ARID2: variants seen among roughly 807,000 people sequenced by gnomAD.
The protein encoded by ARID2 is AT-rich interaction domain 2.
ARID2 carries 32 observed loss-of-function variants against 184.6 expected under a neutral mutation model. That is an observed-to-expected ratio of 0.17 (90% CI 0.13 to 0.23). The LOEUF is 0.23. Ranked by LOEUF, ARID2 falls within the 10% of genes least tolerant of loss-of-function variation. The pLI, the probability that ARID2 is intolerant of heterozygous loss-of-function variation, is 1.00. For missense variants in ARID2, 1,696 were observed against 2,197.6 expected (o/e 0.77, Z 4.56); for synonymous variants, 836 against 772.6 (o/e 1.08, Z -1.36).
intron 3 of ARID2, among the ~76,000 whole-genome samples, chr12:45,771,723 A>G (rs1384325663): frequency 6.6e-6 from 1 of 151,874 alleles, no homozygotes; most frequent in Admixed American, 6.6e-5. Flanking sequence ...CTTTGGGACC[A>G]TATACATTAA....
chr12:45,799,596 C>G (rs7309921), intron 3 of ARID2, among the ~76,000 whole-genome samples: 15,429 of 151,976 alleles, frequency 0.1, 2,541 homozygotes, highest in African/African-American at 0.34. Flanking sequence ...GAGGAAAATA[C>G]AATAAACCTT....
At chr12:45,774,475 T>C (rs1009630247) in intron 3 of ARID2, among the ~76,000 whole-genome samples, 4 of 152,202 alleles carry the variant, frequency 2.6e-5, no homozygotes, top group African/African-American at 9.7e-5. Flanking sequence ...TCTTTGAGGT[T>C]GGTAGGTCAA....
intron 2 of ARID2, among the ~76,000 whole-genome samples, chr12:45,730,474 C>T (rs1301338151): frequency 6.6e-6 from 1 of 150,690 alleles, no homozygotes; most frequent in Admixed American, 6.6e-5. Flanking sequence ...CGCCCCGCTC[C>T]CGCGCCGCCC....
rs1941911679 is a variant in ARID2, at chr12:45,773,248, G to A, written c.285-38170G>A. On this transcript the variant is annotated intron_variant, in intron 3 of 20. Coordinates refer to ENST00000334344, the MANE Select transcript of ARID2 (RefSeq NM_152641.4). ...ATACTAAACTTATGGGTGCAGTTAA[G>A]GTAGTGCTTAGAGGAAAATCTGTAA... 2.6e-5 allele frequency among the ~76,000 whole-genome samples: 4 copies of A among 151,988 alleles called. No individual in the cohort carries two copies. The South Asian group carries it at 8.3e-4, about 31-fold the overall frequency.
chr12:45,762,829 G>T (rs1176752349), intron 3 of ARID2, among the ~76,000 whole-genome samples: 1 of 152,148 alleles, frequency 6.6e-6, no homozygotes, highest in African/African-American at 2.4e-5. Flanking sequence ...GTATTAAAGT[G>T]GTTTTATGAA....
chr12:45,857,059 C>T (rs1294229226), intron 15 of ARID2, among the ~76,000 whole-genome samples: 1 of 152,096 alleles, frequency 6.6e-6, no homozygotes, highest in African/African-American at 2.4e-5. Flanking sequence ...TAACATAAGA[C>T]TTGGTTTTTT....
intron 3 of ARID2, among the ~76,000 whole-genome samples, chr12:45,803,072 T>C (rs1942536336): frequency 6.6e-6 from 1 of 152,140 alleles, no homozygotes; most frequent in Non-Finnish European, 1.5e-5. Flanking sequence ...TTTCTGAAAG[T>C]CTTTTTTTCT....
intron 20 of ARID2, among the ~76,000 whole-genome samples, chr12:45,900,520 C>G (rs149440720): frequency 0.011 from 1,607 of 152,302 alleles, 20 homozygotes; most frequent in South Asian, 0.026. Context: ...AAACCTCTGT[C>G]AAATTTTCAT....
chr12:45,769,421 A>T (rs1941828103), intron 3 of ARID2, among the ~76,000 whole-genome samples: 1 of 152,240 alleles, frequency 6.6e-6, no homozygotes, highest in Non-Finnish European at 1.5e-5. Context: ...CACTAGAGGG[A>T]CTGAGTCACA....
At chr12:45,777,605 A>G (rs1942009799) in intron 3 of ARID2, among the ~76,000 whole-genome samples, 1 of 152,016 alleles carries the variant, frequency 6.6e-6, no homozygotes, top group East Asian at 1.9e-4. Context: ...AGGTTATACT[A>G]CTAAAGTCTT....
intron 3 of ARID2, among the ~76,000 whole-genome samples, chr12:45,771,869 C>T (rs1024540976): frequency 6.6e-6 from 1 of 151,994 alleles, no homozygotes; most frequent in African/African-American, 2.4e-5. Flanking sequence ...AGAGCAAACT[C>T]CCTTTGCTCT....
intron 5 of ARID2, among the ~76,000 whole-genome samples, chr12:45,819,274 T>G (rs1942856008): frequency 6.6e-6 from 1 of 152,174 alleles, no homozygotes; most frequent in Non-Finnish European, 1.5e-5. Flanking sequence ...TAATTTATCT[T>G]CATGCATTCT....
At chr12:45,808,510 A>G (rs889374866) in intron 3 of ARID2, among the ~76,000 whole-genome samples, 1 of 152,154 alleles carries the variant, frequency 6.6e-6, no homozygotes, top group African/African-American at 2.4e-5. Flanking sequence ...ATTACAAGGG[A>G]CCAGAAATGA....
chr12:45,795,549 C>T (rs1383155390), intron 3 of ARID2, among the ~76,000 whole-genome samples: 2 of 152,156 alleles, frequency 1.3e-5, no homozygotes, highest in Admixed American at 1.3e-4. Context: ...TCTCCTGCCT[C>T]AGCCTCCTGA....
intron 20 of ARID2, among the ~76,000 whole-genome samples, chr12:45,899,613 ATATATATGTATATATTTGGT>A (rs1944420866): frequency 1.4e-5 from 2 of 145,300 alleles, no homozygotes; most frequent in Non-Finnish European, 3.0e-5. Context: ...CTCAAAATAT[ATATATATGTATATATTTGGT>A]TATATATATA....
At chr12:45,836,545 T>C (rs1233111268) in intron 6 of ARID2, 44 bp from the exon 7 acceptor site, 1 of 1,550,146 alleles carries the variant, frequency 6.5e-7, no homozygotes, top group Non-Finnish European at 8.8e-7. Context: ...AGCAATAGAA[T>C]AGTTGTTTCA....
At position 45,836,838 on chromosome 12, in the gene ARID2, A is replaced by C. The variant is rs1943229122; in HGVS notation, c.870A>C (p.Ala290=). 6.2e-7 allele frequency: 1 copy of C among 1,614,038 alleles called. No individual in the cohort carries two copies. The stretch of plus-strand genomic sequence containing the variant: ...AAGGACAGCGGGTACTTCAGATTGC[A>C]GTGATTTTGAGAAATCTTTCCTTTG... ...DIEGQRVLQI[A]VILRNLSFEE... The change falls in exon 8 of 21, where the codon GCA becomes GCC. Residue 290 remains alanine, a synonymous_variant. Coordinates refer to ENST00000334344, the MANE Select transcript of ARID2 (RefSeq NM_152641.4).
rs190273702 is a variant in ARID2, at chr12:45,904,155, A to C, written c.5364-779A>C. ...AATTTAAGATTGATAAGTTTTTAGA[A>C]AACAGCTTTTATGGCTAATGGGGCA... On this transcript the variant is annotated intron_variant, in intron 20 of 20. Transcript: ENST00000334344. Among the ~76,000 whole-genome samples, 837 of 152,288 alleles carry C rather than the reference A, an allele frequency of 5.5e-3. 6 individuals are homozygous for C. Among genetic ancestry groups the C allele is most frequent in the Non-Finnish European group, 8.4e-3 (569 of 68,030 alleles).
rs1944508349 is a variant in ARID2, at chr12:45,905,168, A to G, written c.*90A>G. Reference sequence around the variant, plus strand: ...GAAAGCACCAAGTCTTAATGGAACAAAGACCATAGAATGAATTATTTTATC... The same window carrying G: ...GAAAGCACCAAGTCTTAATGGAACAGAGACCATAGAATGAATTATTTTATC... On this transcript the variant is annotated 3_prime_UTR_variant, in exon 21 of 21. Coordinates refer to ENST00000334344, the MANE Select transcript of ARID2 (RefSeq NM_152641.4). 7.6e-7 allele frequency: 1 copy of G among 1,324,242 alleles called. No individual in the cohort carries two copies. Among genetic ancestry groups the G allele is most frequent in the Non-Finnish European group, 1.0e-6 (1 of 979,662 alleles). 82.0% of individuals were successfully genotyped at this position (1,324,242 alleles called of 1,614,324 possible). A position where few individuals can be genotyped will look rare whatever the true frequency, so the allele number is the denominator to read the frequency against.
Sources: gnomAD v4.1 joint callset for allele counts (sites outside exome capture counted in the v4.1 genomes callset) on GRCh38, gnomAD v4.1.1 for gene constraint, MANE v1.5 for transcripts, NCBI Gene and HGNC (gene_info 2026-07-23, HGNC 2026-07-21) for gene names.